The following DPYD variants were observed in gnomAD, a reference collection of about 807,000 sequenced individuals.
DPYD encodes dihydropyrimidine dehydrogenase.
DPYD carries 109 observed loss-of-function variants against 116.2 expected under a neutral mutation model. The observed-to-expected ratio is 0.94, with a 90% CI of 0.80 to 1.10. DPYD has a LOEUF of 1.10. Among genes scored for constraint, DPYD ranks in the 50% least tolerant of loss-of-function variants. The pLI is 0.00. For synonymous variants in DPYD, 440 were observed against 432.0 expected (o/e 1.02, Z -0.23); for missense variants, 1,302 against 1,254.5 (o/e 1.04, Z -0.57).
intron 10 of DPYD, among the ~76,000 whole-genome samples, chr1:97,578,077 C>T (rs1461118936): frequency 6.6e-6 from 1 of 152,064 alleles, no homozygotes; most frequent in East Asian, 1.9e-4. Context: ...AACTCCTGAC[C>T]TCAAGTGTTC....
intron 3 of DPYD, among the ~76,000 whole-genome samples, chr1:97,755,243 C>T (rs535127213): frequency 2.6e-5 from 4 of 152,204 alleles, no homozygotes; most frequent in African/African-American, 9.6e-5. Context: ...ACAGAGATTC[C>T]TTCAACACTT....
chr1:97,171,093 G>T (rs1175533574), intron 20 of DPYD, among the ~76,000 whole-genome samples: 18 of 152,180 alleles, frequency 1.2e-4, no homozygotes, highest in Non-Finnish European at 1.2e-4. Context: ...AGTTGGATTT[G>T]TTGTAGAAAA....
chr1:97,157,147 A>G (rs1655528465), intron 20 of DPYD, among the ~76,000 whole-genome samples: 1 of 151,118 alleles, frequency 6.6e-6, no homozygotes, highest in Admixed American at 6.6e-5. Flanking sequence ...GGATAGCATT[A>G]GGAGATATAC....
At chr1:97,672,391 T>C (rs983436375) in intron 8 of DPYD, among the ~76,000 whole-genome samples, 5 of 152,160 alleles carry the variant, frequency 3.3e-5, no homozygotes, top group African/African-American at 9.6e-5. Context: ...CATTAAGTAA[T>C]GATTTAATGA....
intron 3 of DPYD, among the ~76,000 whole-genome samples, chr1:97,774,449 T>C (rs1168410457): frequency 6.6e-6 from 1 of 152,202 alleles, no homozygotes; most frequent in African/African-American, 2.4e-5. Flanking sequence ...GCTGTGGCAA[T>C]GTTACTAGGT....
intron 13 of DPYD, among the ~76,000 whole-genome samples, chr1:97,492,885 C>G (rs1027218835): frequency 7.9e-5 from 12 of 151,982 alleles, no homozygotes; most frequent in African/African-American, 2.9e-4. Flanking sequence ...TCTAAAAAAT[C>G]AATAATTTAA....
intron 20 of DPYD, among the ~76,000 whole-genome samples, chr1:97,129,009 C>A (rs1301163633): frequency 6.6e-6 from 1 of 151,884 alleles, no homozygotes; most frequent in African/African-American, 2.4e-5. Flanking sequence ...CCTTACAGAG[C>A]TTATCTGTAG....
At chr1:97,327,727 A>G (rs1000553734) in intron 16 of DPYD, among the ~76,000 whole-genome samples, 3 of 151,984 alleles carry the variant, frequency 2.0e-5, no homozygotes, top group Non-Finnish European at 2.9e-5. Context: ...ATAATAATTT[A>G]TAAATCATAT....
chr1:97,853,116 G>A (rs552085270), intron 2 of DPYD, among the ~76,000 whole-genome samples: 1 of 152,160 alleles, frequency 6.6e-6, no homozygotes, highest in Non-Finnish European at 1.5e-5. Flanking sequence ...CATTCTGTAG[G>A]TCTCCCTCCT....
chr1:97,802,040 G>T (rs1257792029), intron 3 of DPYD, among the ~76,000 whole-genome samples: 1 of 151,768 alleles, frequency 6.6e-6, no homozygotes, highest in Non-Finnish European at 1.5e-5. Flanking sequence ...CTTTTACTTT[G>T]TAAAGGGCAC....
chr1:97,288,734 G>C (rs1266900821), intron 18 of DPYD, among the ~76,000 whole-genome samples: 6 of 145,128 alleles, frequency 4.1e-5, no homozygotes, highest in South Asian at 2.4e-4. Context: ...AGAGAAAGCA[G>C]GAGAGATCCA....
intron 2 of DPYD, among the ~76,000 whole-genome samples, chr1:97,870,771 A>T (rs1414729924): frequency 6.6e-6 from 1 of 151,852 alleles, no homozygotes; most frequent in Non-Finnish European, 1.5e-5. Context: ...TCAGATGTCA[A>T]AGTGCTCCCT....
intron 18 of DPYD, among the ~76,000 whole-genome samples, chr1:97,274,377 A>G (rs1664789799): frequency 6.6e-6 from 1 of 152,078 alleles, no homozygotes; most frequent in African/African-American, 2.4e-5. Context: ...AGAGCCTGGC[A>G]TCTCTCTTGT....
chr1:97,754,983 C>T (rs1025993658), intron 3 of DPYD, among the ~76,000 whole-genome samples: 1 of 152,166 alleles, frequency 6.6e-6, no homozygotes, highest in African/African-American at 2.4e-5. Flanking sequence ...GTCTTGTGGA[C>T]AGGCCAAGTA....
intron 20 of DPYD, among the ~76,000 whole-genome samples, chr1:97,168,135 C>T (rs540269330): frequency 6.6e-6 from 1 of 152,118 alleles, no homozygotes; most frequent in African/African-American, 2.4e-5. Context: ...TTTTTTTAAG[C>T]GTGATATTCT....
chr1:97,462,339 T>C (rs985059444), intron 13 of DPYD, among the ~76,000 whole-genome samples: 7 of 152,222 alleles, frequency 4.6e-5, no homozygotes, highest in Non-Finnish European at 8.8e-5. Flanking sequence ...CAATATGATA[T>C]GTAGAATTTC....
chr1:97,596,241 T>A (rs373979966), intron 8 of DPYD, among the ~76,000 whole-genome samples: 1 of 152,132 alleles, frequency 6.6e-6, no homozygotes, highest in African/African-American at 2.4e-5. Flanking sequence ...AAACTCTGTA[T>A]AGTATAATTC....
At chr1:97,751,460 G>GTGTGTGTATATATATATATATATA (rs763260651) in intron 3 of DPYD, among the ~76,000 whole-genome samples, 2 of 21,286 alleles carry the variant, frequency 9.4e-5, no homozygotes, top group Non-Finnish European at 1.6e-4. Flanking sequence ...GTGTGTGTGT[G>GTGTGTGTATATATATATATATATA]TATATATATA....
At chr1:97,818,612 A>G (rs1668757064) in intron 3 of DPYD, among the ~76,000 whole-genome samples, 1 of 152,002 alleles carries the variant, frequency 6.6e-6, no homozygotes, top group East Asian at 1.9e-4. Flanking sequence ...GTTTTCTTCT[A>G]TTTCCCCAAT....
Sources: gnomAD v4.1 joint callset for allele counts (sites outside exome capture counted in the v4.1 genomes callset) on GRCh38, gnomAD v4.1.1 for gene constraint, MANE v1.5 for transcripts, NCBI Gene and HGNC (gene_info 2026-07-23, HGNC 2026-07-21) for gene names.